MFHAS1: variants seen among roughly 807,000 people sequenced by gnomAD.
MFHAS1 encodes multifunctional ROCO family signaling regulator 1.
In MFHAS1, 50 loss-of-function variants were observed where a neutral mutation model predicts 70.4. That is an observed-to-expected ratio of 0.71 (90% confidence interval 0.57 to 0.90). MFHAS1 has a LOEUF of 0.90. Ranked by LOEUF, MFHAS1 falls within the 40% of genes least tolerant of loss-of-function variation. The pLI is 0.00. For synonymous variants in MFHAS1, 952 were observed against 620.0 expected, an observed-to-expected ratio of 1.54 and a Z score of -7.96; for missense variants, 1,795 against 1,347.6, an observed-to-expected ratio of 1.33 and a Z score of -5.20.
At chr8:8,820,533 C>A (rs768159972) in intron 1 of MFHAS1, among the ~76,000 whole-genome samples, 2 of 152,184 alleles carry the variant, frequency 1.3e-5, no homozygotes, top group East Asian at 1.9e-4. Flanking sequence ...CCCCTCCACC[C>A]GTGCTCACCC....
Position 8,786,061 on chromosome 8 carries a change from T to C in MFHAS1, c.3126-6A>G, listed in dbSNP as rs1805531402. 7 of 1,613,900 alleles carry C rather than the reference T, an allele frequency of 4.3e-6. No individual in the cohort carries two copies. The highest frequency in any genetic ancestry group is 1.3e-5 in the African/African-American group (1 of 75,006). Reference sequence around the variant, plus strand: ...GCTTTTCACCAACATTCTTCCTGTATGGGTGGACAACAAGAAAGCACAGAG... The same window carrying C: ...GCTTTTCACCAACATTCTTCCTGTACGGGTGGACAACAAGAAAGCACAGAG... On this transcript the variant is annotated splice_polypyrimidine_tract_variant and splice_region_variant and intron_variant, in intron 2 of 2. Coordinates refer to ENST00000276282, the MANE Select transcript of MFHAS1 (RefSeq NM_004225.3).
intron 2 of MFHAS1, among the ~76,000 whole-genome samples, chr8:8,791,635 T>C (rs1391635320): frequency 6.6e-6 from 1 of 152,012 alleles, no homozygotes; most frequent in Non-Finnish European, 1.5e-5. Context: ...ACCTGAAGAG[T>C]AGCTGGACAG....
intron 1 of MFHAS1, among the ~76,000 whole-genome samples, chr8:8,850,807 GTC>G (rs1808217554): frequency 1.1e-5 from 1 of 91,186 alleles, no homozygotes; most frequent in East Asian, 4.3e-4. Flanking sequence ...GTGAAACTCC[GTC>G]TCAAAAAAAA....
rs1358251720 is a variant in MFHAS1, at chr8:8,798,868, G to C, written c.2999-1377C>G. ...TCGAGACCAGCCTGGCCAATAAGGT[G>C]AAACTCCACATCTACTAAAAATACA... On this transcript the variant is annotated intron_variant, in intron 1 of 2. Coordinates refer to ENST00000276282, the MANE Select transcript of MFHAS1 (RefSeq NM_004225.3). 2.0e-5 allele frequency among the ~76,000 whole-genome samples: 3 copies of C among 152,032 alleles called. No homozygotes were observed. In the East Asian group the frequency reaches 5.8e-4, roughly 30 times the overall value.
intron 1 of MFHAS1, among the ~76,000 whole-genome samples, chr8:8,840,178 C>T (rs1382288754): frequency 5.3e-5 from 8 of 152,136 alleles, no homozygotes; most frequent in Admixed American, 6.5e-5. Context: ...CATTACTGGC[C>T]GGGCACAGTG....
chr8:8,799,037 G>C (rs1012175011), intron 1 of MFHAS1, among the ~76,000 whole-genome samples: 1 of 148,564 alleles, frequency 6.7e-6, no homozygotes, highest in African/African-American at 2.5e-5. Context: ...GACAGAGTGA[G>C]AATCTGTCTC....
At chr8:8,803,130 C>T (rs996409185) in intron 1 of MFHAS1, among the ~76,000 whole-genome samples, 1 of 152,198 alleles carries the variant, frequency 6.6e-6, no homozygotes, top group East Asian at 1.9e-4. Flanking sequence ...AAGGTTTGCT[C>T]TTGGCTCAAT....
intron 1 of MFHAS1, among the ~76,000 whole-genome samples, chr8:8,848,936 A>G (rs1808135932): frequency 6.6e-6 from 1 of 152,198 alleles, no homozygotes; most frequent in Admixed American, 6.5e-5. Flanking sequence ...TTACTTCTGA[A>G]TTCAAAACAC....
chr8:8,814,111 T>A (rs1054411307), intron 1 of MFHAS1, among the ~76,000 whole-genome samples: 1 of 152,134 alleles, frequency 6.6e-6, no homozygotes, highest in East Asian at 1.9e-4. Context: ...CTAATTTTTG[T>A]ATTTTTAGTA....
In MFHAS1 at chr8:8,820,593, A is replaced by C. The variant is rs148859095; in HGVS notation, c.2999-23102T>G. Among the ~76,000 whole-genome samples the C allele has an allele frequency of 1.9e-3, 291 of 152,214 alleles. 1 individual carries two copies. The Middle Eastern group carries it at 0.024, about 12-fold the overall frequency. Reference sequence around the variant, plus strand: ...ATATCATGAATTTTTTTTTCATGGAATCCCCCATTGCCTAATCAATCTCCT... The same window carrying C: ...ATATCATGAATTTTTTTTTCATGGACTCCCCCATTGCCTAATCAATCTCCT... On this transcript the variant is annotated intron_variant, in intron 1 of 2. Coordinates refer to ENST00000276282, the MANE Select transcript of MFHAS1 (RefSeq NM_004225.3).
At chr8:8,830,432 A>C (rs1807343096) in intron 1 of MFHAS1, among the ~76,000 whole-genome samples, 1 of 152,234 alleles carries the variant, frequency 6.6e-6, no homozygotes. Flanking sequence ...GGCAGAGAAT[A>C]CAAGTAAAAG....
At chr8:8,831,983 A>C (rs1378935448) in intron 1 of MFHAS1, among the ~76,000 whole-genome samples, 1 of 152,034 alleles carries the variant, frequency 6.6e-6, no homozygotes, top group African/African-American at 2.4e-5. Flanking sequence ...AAATGGTGCT[A>C]AAACAACTGG....
At chr8:8,839,949 GA>G (rs925535862) in intron 1 of MFHAS1, among the ~76,000 whole-genome samples, 13 of 151,094 alleles carry the variant, frequency 8.6e-5, no homozygotes, top group Non-Finnish European at 1.8e-4. Flanking sequence ...GGAGGAAAAA[GA>G]AAAAAAAGAT....
chr8:8,880,418 T>C (rs1329646971), intron 1 of MFHAS1, among the ~76,000 whole-genome samples: 2 of 152,012 alleles, frequency 1.3e-5, no homozygotes, highest in African/African-American at 2.4e-5. Flanking sequence ...TTTCACTCAA[T>C]AGGAGGAAGA....
chr8:8,797,379 G>T lies in MFHAS1; in HGVS notation c.3111C>A (p.Ile1037=). 1.2e-6 allele frequency: 2 copies of T among 1,614,116 alleles called. No individual in the cohort carries two copies. The highest frequency in any genetic ancestry group is 1.7e-6 in the Non-Finnish European group (2 of 1,179,998). Residue 1037 remains isoleucine (I), a synonymous_variant, in exon 2 of 3, where the codon ATC becomes ATA. Coordinates refer to ENST00000276282, the MANE Select transcript of MFHAS1 (RefSeq NM_004225.3). The part of the protein sequence containing the change: ...ALVYPPTPTV[I]SPCSKKNVGE... ...TGAGAACTCACTTGGAACAGGGGCT[G>T]ATCACAGTCGGCGTGGGTGGGTAAA...
intron 1 of MFHAS1, among the ~76,000 whole-genome samples, chr8:8,835,678 T>G (rs183601531): frequency 2.0e-5 from 3 of 152,364 alleles, no homozygotes; most frequent in African/African-American, 7.2e-5. Flanking sequence ...CCACTGAATA[T>G]GGTTTCAACT....
At chr8:8,794,089 C>A (rs925227297) in intron 2 of MFHAS1, among the ~76,000 whole-genome samples, 2 of 152,000 alleles carry the variant, frequency 1.3e-5, no homozygotes, top group Non-Finnish European at 2.9e-5. Context: ...ACTTAGGAGG[C>A]TGAGGCAGAA....
chr8:8,818,858 T>C (rs912263739), intron 1 of MFHAS1, among the ~76,000 whole-genome samples: 3 of 147,262 alleles, frequency 2.0e-5, no homozygotes, highest in Non-Finnish European at 4.4e-5. Flanking sequence ...AATGCAGACC[T>C]TGTTCTATAA....
chr8:8,832,210 C>T (rs1256437311), intron 1 of MFHAS1, among the ~76,000 whole-genome samples: 2 of 151,672 alleles, frequency 1.3e-5, no homozygotes, highest in African/African-American at 2.4e-5. Context: ...AAAGTACTAA[C>T]CAGAAGACTT....
Sources: gnomAD v4.1 joint callset for allele counts (sites outside exome capture counted in the v4.1 genomes callset) on GRCh38, gnomAD v4.1.1 for gene constraint, MANE v1.5 for transcripts, NCBI Gene and HGNC (gene_info 2026-07-23, HGNC 2026-07-21) for gene names.